Variants in AFAP1 observed in about 807,000 individuals in gnomAD.
The protein encoded by AFAP1 is actin filament associated protein 1, also known as actin filament-associated protein 1.
AFAP1 carries 75 observed loss-of-function variants against 93.9 expected under a neutral mutation model. That is an observed-to-expected ratio of 0.80 (90% CI 0.66 to 0.97). The LOEUF is 0.97. Ranked by LOEUF, AFAP1 falls within the 50% of genes least tolerant of loss-of-function variation. The probability of loss-of-function intolerance (pLI) is 0.00; values close to 1 mark genes in which losing one functional copy is unlikely to be tolerated. For missense variants in AFAP1, 1,201 were observed against 1,050.8 expected (o/e 1.14, Z -1.98); for synonymous variants, 517 against 430.7 (o/e 1.20, Z -2.48).
chr4:7,815,079 A>C (rs1202103056), intron 8 of AFAP1, among the ~76,000 whole-genome samples: 3 of 152,276 alleles, frequency 2.0e-5, no homozygotes, highest in African/African-American at 7.2e-5. Flanking sequence ...CAGCCTTAAA[A>C]AGGAAAGAAA....
intron 1 of AFAP1, among the ~76,000 whole-genome samples, chr4:7,906,261 A>T (rs1719395330): frequency 6.6e-6 from 1 of 152,050 alleles, no homozygotes; most frequent in Non-Finnish European, 1.5e-5. Flanking sequence ...TCTGTGAGCC[A>T]CAAGAGAATC....
chr4:7,838,213 C>G (rs1169104617), intron 6 of AFAP1, among the ~76,000 whole-genome samples: 1 of 152,044 alleles, frequency 6.6e-6, no homozygotes, highest in Admixed American at 6.5e-5. Flanking sequence ...CAGCCAATCC[C>G]AACCAGAATA....
intron 3 of AFAP1, 116 bp from the exon 4 acceptor site, chr4:7,855,690 C>A: frequency 1.2e-6 from 1 of 826,836 alleles, no homozygotes; most frequent in Non-Finnish European, 2.0e-6. Flanking sequence ...AAGTCTTCGG[C>A]AAAAGAGAAC....
At chr4:7,844,852 A>G (rs1713501481) in intron 4 of AFAP1, among the ~76,000 whole-genome samples, 1 of 152,252 alleles carries the variant, frequency 6.6e-6, no homozygotes, top group Admixed American at 6.5e-5. Flanking sequence ...CCCCAGAATC[A>G]TCTGGAACAC....
In AFAP1 at chr4:7,834,092, TACACACACACACAC is replaced by T. The variant is rs142790415; in HGVS notation, c.726+4418_726+4431del. ...ACAAGTTGATAAAGAAACTGTGGCA[TACACACACACACAC>T]ACACACACACACACACACACACATA... is the stretch of plus-strand genomic sequence containing the variant. On this transcript the variant is annotated intron_variant, in intron 6 of 17. Coordinates refer to ENST00000420658, the MANE Select transcript of AFAP1 (RefSeq NM_001134647.2). Among the ~76,000 whole-genome samples the T allele has an allele frequency of 1.6e-4, 20 of 126,668 alleles. 1 individual carries two copies. The highest frequency in any genetic ancestry group is 5.2e-4 in the South Asian group (2 of 3,872). The allele number at this position is 126,668 out of a possible 152,430, so 83.1% of individuals were successfully genotyped here.
At position 7,781,567 on chromosome 4, in the gene AFAP1, A is replaced by C. The variant is rs776649943; in HGVS notation, c.1591T>G (p.Tyr531Asp). 2.6e-6 allele frequency: 4 copies of C among 1,551,786 alleles called. No homozygotes were observed. Among genetic ancestry groups the C allele is most frequent in the South Asian group, 2.4e-5 (2 of 84,068 alleles). ...CSRGLGEEVL[Y>D]DNAGLYDNLP... is the part of the protein sequence containing the mutation. ...TTATCGTACAGGCCTGCGTTATCAT[A>C]AAGCACCTCTTCTCCCAAGCCTCTG... Residue 531 changes from tyrosine to aspartate, a missense_variant, in exon 13 of 18, where the codon TAT becomes GAT. By Grantham distance (160) the Tyr-to-Asp change is radical (BLOSUM62 -3). Coordinates refer to ENST00000420658, the MANE Select transcript of AFAP1 (RefSeq NM_001134647.2).
At chr4:7,859,451 C>A (rs1222575056) in intron 3 of AFAP1, among the ~76,000 whole-genome samples, 1 of 151,938 alleles carries the variant, frequency 6.6e-6, no homozygotes, top group African/African-American at 2.4e-5. Flanking sequence ...CAAAGTCTAA[C>A]CACCATGGCA....
chr4:7,797,473 C>T (rs952156918), intron 10 of AFAP1, among the ~76,000 whole-genome samples: 4 of 152,218 alleles, frequency 2.6e-5, no homozygotes, highest in African/African-American at 9.6e-5. Flanking sequence ...CCGCCACCTC[C>T]ATGGGCTCCC....
intron 3 of AFAP1, among the ~76,000 whole-genome samples, chr4:7,868,082 C>T (rs1260277191): frequency 6.7e-6 from 1 of 148,882 alleles, no homozygotes; most frequent in Non-Finnish European, 1.5e-5. Context: ...AGGGAATCGC[C>T]AGATTAAAAA....
intron 6 of AFAP1, among the ~76,000 whole-genome samples, chr4:7,829,091 G>A (rs1243396402): frequency 6.6e-6 from 1 of 152,194 alleles, no homozygotes; most frequent in South Asian, 2.1e-4. Context: ...ATGTGAAGAA[G>A]GACGTGTTTG....
intron 1 of AFAP1, among the ~76,000 whole-genome samples, chr4:7,918,962 CTG>C: frequency 7.0e-6 from 1 of 143,308 alleles, no homozygotes; most frequent in Admixed American, 7.1e-5. Context: ...GGAAACAGGG[CTG>C]TTGGAAGAGA....
At chr4:7,869,121 G>A (rs1324047723) in intron 2 of AFAP1, among the ~76,000 whole-genome samples, 1 of 136,072 alleles carries the variant, frequency 7.3e-6, no homozygotes, top group Non-Finnish European at 1.6e-5. Context: ...GAAACGGAAA[G>A]AAAAGAGAAA....
At chr4:7,793,594 A>C (rs1265919079) in intron 11 of AFAP1, 87 bp downstream of exon 11, 1 of 1,319,690 alleles carries the variant, frequency 7.6e-7, no homozygotes, top group Non-Finnish European at 9.9e-7. Context: ...CTGGGTCTAT[A>C]TCCTCACACA....
intron 3 of AFAP1, chr4:7,862,093 G>A (rs934750524): frequency 2.0e-5 from 3 of 152,220 alleles, no homozygotes; most frequent in African/African-American, 7.2e-5. Context: ...CGCTACTCAG[G>A]AGGGTGAGGT....
In AFAP1 at chr4:7,762,493, G is replaced by T. The variant is rs563398902; in HGVS notation, c.*1272C>A. ...TGGAGAATTCCTGACAGCAGCCTCC[G>T]GGAGACCAAGAAGTTAATCTGATTT... is the stretch of plus-strand genomic sequence containing the variant. On this transcript the variant is annotated 3_prime_UTR_variant, in exon 18 of 18. Coordinates refer to ENST00000420658, the MANE Select transcript of AFAP1 (RefSeq NM_001134647.2). 6.6e-6 allele frequency: 1 copy of T among 152,186 alleles called. No individual in the cohort carries two copies. The highest frequency in any genetic ancestry group is 2.4e-5 in the African/African-American group (1 of 41,426). 9.4% of individuals were successfully genotyped at this position (152,186 alleles called of 1,614,324 possible).
rs1180353602 is a variant in AFAP1, at chr4:7,939,798, C to T, written c.-145G>A. ...GCCGCCGCCGCCTCAGCCCGTGTAC[C>T]CCGCTCGAGATCCGGCTCGGCTCGC... On this transcript the variant is annotated 5_prime_UTR_variant, in exon 1 of 18. Coordinates refer to ENST00000420658, the MANE Select transcript of AFAP1 (RefSeq NM_001134647.2). The surrounding 1 kb of genome is among the most constrained non-coding windows in gnomAD (Gnocchi z 5.6). 1 of 342,010 alleles carries T rather than the reference C, an allele frequency of 2.9e-6. No individual in the cohort carries two copies. 21.2% of individuals were successfully genotyped at this position (342,010 alleles called of 1,614,324 possible). A position where few individuals can be genotyped will look rare whatever the true frequency, so the allele number is the denominator to read the frequency against.
Position 7,781,360 on chromosome 4 carries a change from G to C in AFAP1, c.1782+16C>G. 1.3e-6 allele frequency: 2 copies of C among 1,550,396 alleles called. No individual in the cohort carries two copies. Among genetic ancestry groups the C allele is most frequent in the Non-Finnish European group, 1.7e-6 (2 of 1,146,086 alleles). On this transcript the variant is annotated intron_variant, in intron 13 of 17. Coordinates refer to ENST00000420658, the MANE Select transcript of AFAP1 (RefSeq NM_001134647.2). Reference sequence around the variant, plus strand: ...TTGAAGGTGGTTCTAGAATCTTACAGAAGAAGATGCCGTACCTGCGAGTTG... The same window carrying C: ...TTGAAGGTGGTTCTAGAATCTTACACAAGAAGATGCCGTACCTGCGAGTTG...
chr4:7,936,079 A>G (rs1441685358), intron 1 of AFAP1, among the ~76,000 whole-genome samples: 2 of 152,226 alleles, frequency 1.3e-5, no homozygotes, highest in Non-Finnish European at 2.9e-5. Context: ...CTAAATTAAG[A>G]ATGCAAATCA....
intron 1 of AFAP1, among the ~76,000 whole-genome samples, chr4:7,900,061 A>G (rs2149216215): frequency 6.6e-6 from 1 of 152,310 alleles, no homozygotes; most frequent in African/African-American, 2.4e-5. Context: ...CTGCAAGGAG[A>G]ACATCCAACA....
Sources: gnomAD v4.1 joint callset for allele counts (sites outside exome capture counted in the v4.1 genomes callset) on GRCh38, gnomAD v4.1.1 for gene constraint, Gnocchi (gnomAD v3.1) non-coding constraint, MANE v1.5 for transcripts, NCBI Gene and HGNC (gene_info 2026-07-23, HGNC 2026-07-21) for gene names.